The following RIPOR1 variants were observed in gnomAD, a reference collection of about 807,000 sequenced individuals.
The protein encoded by RIPOR1 is rho family-interacting cell polarization regulator 1.
RIPOR1 carries 58 observed loss-of-function variants against 116.5 expected under a neutral mutation model. The ratio of observed to expected loss-of-function variants is 0.50; its 90% confidence interval spans 0.40 to 0.62. RIPOR1 has a LOEUF of 0.62. Ranked by LOEUF, RIPOR1 falls within the 20% of genes least tolerant of loss-of-function variation. RIPOR1 has a pLI of 0.00. For missense variants in RIPOR1, 1,372 were observed against 1,586.2 expected, an observed-to-expected ratio of 0.86 and a Z score of 2.29; for synonymous variants, 605 against 650.0, an observed-to-expected ratio of 0.93 and a Z score of 1.05.
At position 67,541,731 on chromosome 16, in the gene RIPOR1, C is replaced by T. The variant is rs759533206; in HGVS notation, c.1029C>T (p.Thr343=). ...CCACAGTCACCAAGCGCTTCTCCAC[C>T]TATAGCCAGAGCCCACCGGACACAC... The part of the protein sequence containing the change: ...KASTVTKRFS[T]YSQSPPDTPS... The change falls in exon 12 of 22, where the codon ACC becomes ACT. Residue 343 remains threonine, a synonymous_variant. Coordinates refer to ENST00000042381, the MANE Select transcript of RIPOR1 (RefSeq NM_024519.4). The surrounding 1 kb of genome is among the most constrained non-coding windows in gnomAD (Gnocchi z 4.6). 6.2e-7 allele frequency: 1 copy of T among 1,614,120 alleles called. No individual in the cohort carries two copies. The highest frequency in any genetic ancestry group is 1.1e-5 in the South Asian group (1 of 91,076).
rs117495365 is a variant in RIPOR1 at position 67,545,174 on chromosome 16, C to T, written c.3031+57C>T. 0.01 allele frequency: 15,999 copies of T among 1,594,010 alleles called. 102 individuals are homozygous for T. Among genetic ancestry groups the T allele is most frequent in the Non-Finnish European group, 0.012 (14,425 of 1,171,038 alleles). On this transcript the variant is annotated intron_variant, in intron 17 of 21. Coordinates refer to ENST00000042381, the MANE Select transcript of RIPOR1 (RefSeq NM_024519.4). This position sits in a 1 kb window ranked among gnomAD's most constrained non-coding sequence, Gnocchi z 4.8. Reference sequence around the variant, plus strand: ...CTCAGATTCCCAGTGACAGGAAGCTCGGGGAAGCCAGGTCAGCCCACACAG... The same window carrying T: ...CTCAGATTCCCAGTGACAGGAAGCTTGGGGAAGCCAGGTCAGCCCACACAG...
intron 1 of RIPOR1, 23 bp from the exon 2 acceptor site, chr16:67,538,401 G>C: frequency 6.4e-7 from 1 of 1,551,782 alleles, no homozygotes; most frequent in South Asian, 1.2e-5. Context: ...ACTGGTACTG[G>C]ACACCCCCCC....
rs777764862 is a variant in RIPOR1 at position 67,540,375 on chromosome 16, TGGGGGCAGGTG to T, written c.631+19_631+29del. The stretch of plus-strand genomic sequence containing the variant: ...TCTCCGAATGAAAGGTACTGAGTTG[TGGGGGCAGGTG>T]GGGGGCTGGAGGGAGTATGCTGAAG... On this transcript the variant is annotated intron_variant, in intron 8 of 21. Coordinates refer to ENST00000042381, the MANE Select transcript of RIPOR1 (RefSeq NM_024519.4). The surrounding 1 kb of genome is among the most constrained non-coding windows in gnomAD (Gnocchi z 4.7). 6.2e-7 allele frequency: 1 copy of T among 1,613,998 alleles called. No homozygotes were observed. The highest frequency in any genetic ancestry group is 8.5e-7 in the Non-Finnish European group (1 of 1,179,982).
Position 67,545,913 on chromosome 16 carries a change from C to T in RIPOR1, c.3388-36C>T, listed in dbSNP as rs748271920. 3.7e-6 allele frequency: 6 copies of T among 1,613,400 alleles called. No homozygotes were observed. The highest frequency in any genetic ancestry group is 5.1e-6 in the Non-Finnish European group (6 of 1,179,610). ...CGAGGGCTGGGGTCCTGGACTCCCA[C>T]TGTCTGGCTAAGTCTGTCCTCCCAC... On this transcript the variant is annotated intron_variant, in intron 19 of 21. Coordinates refer to ENST00000042381, the MANE Select transcript of RIPOR1 (RefSeq NM_024519.4). The surrounding 1 kb of genome is among the most constrained non-coding windows in gnomAD (Gnocchi z 4.8).
chr16:67,540,612 C>A lies in RIPOR1; in HGVS notation c.709C>A (p.Leu237Ile), dbSNP rs140972331. 11 of 1,613,890 alleles carry A rather than the reference C, an allele frequency of 6.8e-6. No homozygotes were observed. The African/African-American group carries it at 1.2e-4, about 18-fold the overall frequency. ...GAAATATGGGCGTCAGCGCTGGAAA[C>A]TACGGGGCCGAATTGAGGGTAGTGG... ...CMKYGRQRWK[L>I]RGRIEGSGKQ... The change falls in exon 10 of 22, where the codon CTA becomes ATA. Residue 237 changes from leucine to isoleucine, a missense_variant. Leu to Ile is a conservative substitution (Grantham distance 5). Coordinates refer to ENST00000042381, the MANE Select transcript of RIPOR1 (RefSeq NM_024519.4). This position sits in a 1 kb window ranked among gnomAD's most constrained non-coding sequence, Gnocchi z 4.7.
rs374237375 is a variant in RIPOR1, at chr16:67,546,539, G to A, written c.*76G>A. On this transcript the variant is annotated 3_prime_UTR_variant, in exon 22 of 22. Transcript: ENST00000042381. The stretch of plus-strand genomic sequence containing the variant: ...CACCAGGCACTGGCAGGGAGGGTAA[G>A]GGCTGGCTCCAGATACCCCTCCCCC... 5.5e-5 allele frequency: 67 copies of A among 1,222,140 alleles called. No homozygotes were observed. In the African/African-American group the frequency reaches 6.6e-4, roughly 12 times the overall value. 75.7% of individuals were successfully genotyped at this position (1,222,140 alleles called of 1,614,324 possible).
Position 67,545,647 on chromosome 16 carries a change from A to G in RIPOR1, c.3191-17A>G, listed in dbSNP as rs747853180. The G allele has an allele frequency of 2.1e-6, 3 of 1,427,018 alleles. No homozygotes were observed. Among genetic ancestry groups the G allele is most frequent in the Non-Finnish European group, 9.5e-7 (1 of 1,047,298 alleles). 88.4% of individuals were successfully genotyped at this position (1,427,018 alleles called of 1,614,324 possible). A position where few individuals can be genotyped will look rare whatever the true frequency, so the allele number is the denominator to read the frequency against. On this transcript the variant is annotated splice_polypyrimidine_tract_variant and intron_variant, in intron 18 of 21. Transcript: ENST00000042381. This position sits in a 1 kb window ranked among gnomAD's most constrained non-coding sequence, Gnocchi z 4.8. ...CTGCCACCTTGCCCACCCACCCACC[A>G]TATCCCCTTTTTTCAGTGCTACTGG... is the stretch of plus-strand genomic sequence containing the variant.
At position 67,537,593 on chromosome 16, in the gene RIPOR1, G is replaced by C. The variant is rs1238202633; in HGVS notation, c.-23-831G>C. The C allele has an allele frequency of 1.4e-6, 2 of 1,421,558 alleles. No individual in the cohort carries two copies. Among genetic ancestry groups the C allele is most frequent in the Admixed American group, 5.4e-5 (2 of 37,306 alleles). 88.1% of individuals were successfully genotyped at this position (1,421,558 alleles called of 1,614,324 possible). A position where few individuals can be genotyped will look rare whatever the true frequency, so the allele number is the denominator to read the frequency against. Reference sequence around the variant, plus strand: ...CCGGACCCACCATGAACACCAAGAAGAGAGGTAGGACCCAGCTCGGGGCTG... The same window carrying C: ...CCGGACCCACCATGAACACCAAGAACAGAGGTAGGACCCAGCTCGGGGCTG... On this transcript the variant is annotated intron_variant, in intron 1 of 21. Coordinates refer to ENST00000042381, the MANE Select transcript of RIPOR1 (RefSeq NM_024519.4). The surrounding 1 kb of genome is among the most constrained non-coding windows in gnomAD (Gnocchi z 4.6).
rs192650299 is a variant in RIPOR1, at chr16:67,546,084, C to G, written c.3471+52C>G. The G allele has an allele frequency of 8.8e-4, 1,413 of 1,608,980 alleles. 12 individuals carry two copies. The African/African-American group carries it at 0.017, about 20-fold the overall frequency. ...TCTGTCCGCTTCCGGCACCCCCACC[C>G]CTGAAACCCTCCCATCTGCTCCCCT... is the stretch of plus-strand genomic sequence containing the variant. On this transcript the variant is annotated intron_variant, in intron 20 of 21. Transcript: ENST00000042381.
Position 67,545,425 on chromosome 16 carries a change from G to T in RIPOR1, c.3081G>T (p.Arg1027Ser). The change falls in exon 18 of 22, where the codon AGG (arginine) becomes AGT (serine). Residue 1027 changes from arginine to serine, a missense_variant. By Grantham distance (110) the Arg-to-Ser change is moderately radical. Around this residue, in one of 3 missense-constraint regions of RIPOR1, gnomAD observed 1,005 missense variants for 1,144.7 expected, o/e 0.88. Coordinates refer to ENST00000042381, the MANE Select transcript of RIPOR1 (RefSeq NM_024519.4). This position sits in a 1 kb window ranked among gnomAD's most constrained non-coding sequence, Gnocchi z 4.8. ...EDALGQKLPR[R>S]PQPGPGEQLT... ...CCCTGGGGCAGAAGCTGCCCAGAAG[G>T]CCCCAGCCAGGGCCTGGAGAGCAGC... 1 of 1,614,018 alleles carries T rather than the reference G, an allele frequency of 6.2e-7. No homozygotes were observed. The highest frequency in any genetic ancestry group is 8.5e-7 in the Non-Finnish European group (1 of 1,180,028).
At chr16:67,538,361 C>T in intron 1 of RIPOR1, 63 bp from the exon 2 acceptor site, 1 of 1,511,664 alleles carries the variant, frequency 6.6e-7, no homozygotes, top group East Asian at 2.5e-5. Flanking sequence ...CCCTGGATCC[C>T]GCTGCGTGGG....
Position 67,546,384 on chromosome 16 carries a change from C to T in RIPOR1, c.3581C>T (p.Ala1194Val), listed in dbSNP as rs146731217. 2 of 1,613,882 alleles carry T rather than the reference C, an allele frequency of 1.2e-6. No individual in the cohort carries two copies. The highest frequency in any genetic ancestry group is 2.2e-5 in the East Asian group (1 of 44,900). Residue 1194 changes from alanine to valine, a missense_variant, in exon 22 of 22, where the codon GCC becomes GTC. Physicochemically the swap from Ala to Val is moderately conservative, Grantham distance 64. Coordinates refer to ENST00000042381, the MANE Select transcript of RIPOR1 (RefSeq NM_024519.4). ...LQQCGEEGQS[A>V]HRRLEESLDA... is the part of the protein sequence containing the mutation. Reference sequence around the variant, plus strand: ...ATTACAGGAGAAGAGGGACAGTCTGCCCATCGACGGCTGGAGGAGTCCCTG... The same window carrying T: ...ATTACAGGAGAAGAGGGACAGTCTGTCCATCGACGGCTGGAGGAGTCCCTG...
At chr16:67,535,461 C>T (rs2050768096) in intron 1 of RIPOR1, among the ~76,000 whole-genome samples, 1 of 152,252 alleles carries the variant, frequency 6.6e-6, no homozygotes, top group East Asian at 1.9e-4. Flanking sequence ...GGGATGGTGG[C>T]TGTGGATCCA....
At chr16:67,539,532 G>C in intron 4 of RIPOR1, 196 bp from the exon 5 acceptor site, 5 of 685,618 alleles carry the variant, frequency 7.3e-6, no homozygotes, top group South Asian at 7.0e-5. Context: ...GGTCCTGGAG[G>C]GGGCTGAAGG....
chr16:67,524,160 G>A (rs995464390), upstream of RIPOR1, among the ~76,000 whole-genome samples: 5 of 152,204 alleles, frequency 3.3e-5, no homozygotes, highest in Non-Finnish European at 7.3e-5. Context: ...ACGATTAAAC[G>A]GATGGGTGCA....
intron 1 of RIPOR1, among the ~76,000 whole-genome samples, chr16:67,535,429 A>G (rs545659457): frequency 5.6e-4 from 86 of 152,314 alleles, no homozygotes; most frequent in Non-Finnish European, 1.1e-3. Flanking sequence ...AGTGCTGAGG[A>G]TACTTGCAGC....
chr16:67,539,956 G>A (rs2050925313), intron 6 of RIPOR1, 57 bp downstream of exon 6: 46 of 1,613,812 alleles, frequency 2.9e-5, no homozygotes, highest in Non-Finnish European at 3.6e-5. Flanking sequence ...ATAGGGAGAA[G>A]AGGGGTGGTG....
In RIPOR1 at chr16:67,542,004, G is replaced by T; in HGVS notation, c.1218G>T (p.Gln406His). Residue 406 changes from glutamine (Q) to histidine (H), a missense_variant, in exon 13 of 22, where the codon CAG becomes CAT. Coordinates refer to ENST00000042381, the MANE Select transcript of RIPOR1 (RefSeq NM_024519.4). The surrounding 1 kb of genome is among the most constrained non-coding windows in gnomAD (Gnocchi z 4.6). Reference protein sequence around the residue: ...HSPAPRPLVQQPEPLPIQVAF... With the variant: ...HSPAPRPLVQHPEPLPIQVAF... ...CAGCCCCTAGGCCCCTGGTGCAGCA[G>T]CCCGAGCCCCTTCCCATCCAAGTTG... 6.2e-7 allele frequency: 1 copy of T among 1,610,176 alleles called. No homozygotes were observed.
In RIPOR1 at chr16:67,520,377, C is replaced by CA. The variant is rs1178600699; in HGVS notation, c.-24+1776dup. Among the ~76,000 whole-genome samples the CA allele has an allele frequency of 8.9e-3, 609 of 68,606 alleles. 4 individuals carry two copies. The highest frequency in any genetic ancestry group is 0.052 in the South Asian group (117 of 2,234). 45.0% of individuals were successfully genotyped at this position (68,606 alleles called of 152,430 possible). The stretch of plus-strand genomic sequence containing the variant: ...ACCTGGTGACAGTGAGACCCCATCT[C>CA]AAAAAAAAAAAAGAAAAGAAAAGGA... On this transcript the variant is annotated intron_variant, in intron 1 of 1. Coordinates refer to the RIPOR1 transcript ENST00000562116.
Sources: allele counts gnomAD v4.1 joint callset (sites outside exome capture counted in the v4.1 genomes callset), GRCh38; gene constraint gnomAD v4.1.1; regional missense constraint gnomAD v4.1.1; non-coding constraint Gnocchi (gnomAD v3.1); transcripts MANE v1.5; gene names NCBI Gene and HGNC (gene_info 2026-07-23, HGNC 2026-07-21).